Variants in NAXD observed in about 807,000 individuals in gnomAD.
NAXD encodes NAD(P)HX dehydratase.
NAXD carries 22 observed loss-of-function variants against 35.8 expected under a neutral mutation model. That is an observed-to-expected ratio of 0.62 (90% CI 0.44 to 0.88). NAXD has a LOEUF of 0.88. Among genes scored for constraint, NAXD ranks in the 40% least tolerant of loss-of-function variants. The pLI is 0.00. For synonymous variants in NAXD, 189 were observed against 177.6 expected, an observed-to-expected ratio of 1.06 and a Z score of -0.51; for missense variants, 428 against 437.7, an observed-to-expected ratio of 0.98 and a Z score of 0.20.
rs757949523 is a variant in NAXD at position 110,638,574 on chromosome 13, CGTGT to C, written c.*52_*55del. ...AACAGGCACCTTGGACGGGGGAGAG[CGTGT>C]GTGTGATGGGAAAATCCGGACCCAC... On this transcript the variant is annotated 3_prime_UTR_variant, in exon 10 of 10. Coordinates refer to ENST00000680254, the MANE Select transcript of NAXD (RefSeq NM_001242882.2). The surrounding 1 kb of genome is among the most constrained non-coding windows in gnomAD (Gnocchi z 5.4). 6.2e-7 allele frequency: 1 copy of C among 1,605,610 alleles called. No individual in the cohort carries two copies. Among genetic ancestry groups the C allele is most frequent in the Non-Finnish European group, 8.5e-7 (1 of 1,175,348 alleles).
chr13:110,636,359 A>ATG (rs1207900971), intron 8 of NAXD, among the ~76,000 whole-genome samples: 1 of 141,682 alleles, frequency 7.1e-6, no homozygotes, highest in Non-Finnish European at 1.5e-5. Context: ...ACATGCACAT[A>ATG]TGTGCACACG....
At chr13:110,621,254 G>C (rs187803208) in intron 1 of NAXD, among the ~76,000 whole-genome samples, 3 of 152,322 alleles carry the variant, frequency 2.0e-5, no homozygotes, top group African/African-American at 7.2e-5. Flanking sequence ...TTTGTGAGGA[G>C]AGAAAAGACC....
chr13:110,636,779 G>A (rs1243122287), intron 8 of NAXD, among the ~76,000 whole-genome samples: 8 of 152,248 alleles, frequency 5.3e-5, no homozygotes, highest in African/African-American at 1.9e-4. Context: ...GTCCCTGGGA[G>A]CTGGTGGGAG....
chr13:110,632,419 C>G (rs1886737580), intron 5 of NAXD, among the ~76,000 whole-genome samples: 1 of 152,218 alleles, frequency 6.6e-6, no homozygotes, highest in Non-Finnish European at 1.5e-5. Flanking sequence ...GAGCGGGTTA[C>G]CAATGCTGGC....
rs1162320304 is a variant in NAXD at position 110,638,204 on chromosome 13, T to C, written c.840-174T>C. ...CTGCCAGGGAGTAGTGGAGGGTTAA[T>C]GGTGGTTTTCGCTGTGATAAACCTG... On this transcript the variant is annotated intron_variant, in intron 9 of 9. Coordinates refer to ENST00000680254, the MANE Select transcript of NAXD (RefSeq NM_001242882.2). The surrounding 1 kb of genome is among the most constrained non-coding windows in gnomAD (Gnocchi z 5.4). 2.6e-6 allele frequency: 4 copies of C among 1,527,190 alleles called. No homozygotes were observed. Among genetic ancestry groups the C allele is most frequent in the African/African-American group, 2.8e-5 (2 of 71,964 alleles). The allele number at this position is 1,527,190 out of a possible 1,614,324, so 94.6% of individuals were successfully genotyped here. A position where few individuals can be genotyped will look rare whatever the true frequency, so the allele number is the denominator to read the frequency against.
chr13:110,634,382 G>T (rs1332270722), intron 5 of NAXD, among the ~76,000 whole-genome samples, 163 bp from the exon 6 acceptor site: 1 of 152,130 alleles, frequency 6.6e-6, no homozygotes, highest in African/African-American at 2.4e-5. Context: ...TCTTTTAAAG[G>T]TCATTAAACC....
intron 4 of NAXD, among the ~76,000 whole-genome samples, chr13:110,626,823 GA>G (rs1416948740): frequency 6.6e-6 from 1 of 152,186 alleles, no homozygotes; most frequent in African/African-American, 2.4e-5. Context: ...AGGTCACACC[GA>G]ACAGGAAGGA....
chr13:110,635,574 C>T lies in NAXD; in HGVS notation c.704C>T (p.Ser235Phe), dbSNP rs761675334. ...VVQKGERDILSNGQQVLVCSQ... is the reference protein window; with the variant it reads ...VVQKGERDILFNGQQVLVCSQ... ...CAGAAAGGAGAGCGCGACATCCTCT[C>T]CAACGGCCAGCAGGGTGAGTGGCGG... The change falls in exon 8 of 10, where the codon TCC becomes TTC. Residue 235 changes from serine (S) to phenylalanine (F), a missense_variant. By Grantham distance (155) the Ser-to-Phe change is radical. Coordinates refer to ENST00000680254, the MANE Select transcript of NAXD (RefSeq NM_001242882.2). 3.7e-6 allele frequency: 6 copies of T among 1,614,120 alleles called. No individual in the cohort carries two copies. In the South Asian group the frequency reaches 5.5e-5, roughly 15 times the overall value.
Position 110,638,722 on chromosome 13 carries a change from G to A in NAXD, c.*194G>A, listed in dbSNP as rs1047124839. 6 of 726,122 alleles carry A rather than the reference G, an allele frequency of 8.3e-6. No individual in the cohort carries two copies. Among genetic ancestry groups the A allele is most frequent in the Admixed American group, 2.0e-5 (1 of 49,974 alleles). The allele number at this position is 726,122 out of a possible 1,614,324, so 45.0% of individuals were successfully genotyped here. ...TTTGGTTAAACTTAATGCATGGTTG[G>A]AGATGTTATGGCGACACTAAACAAA... is the stretch of plus-strand genomic sequence containing the variant. On this transcript the variant is annotated 3_prime_UTR_variant, in exon 10 of 10. Coordinates refer to ENST00000680254, the MANE Select transcript of NAXD (RefSeq NM_001242882.2). The surrounding 1 kb of genome is among the most constrained non-coding windows in gnomAD (Gnocchi z 5.4).
In NAXD at chr13:110,631,833, C is replaced by T. The variant is rs185298427; in HGVS notation, c.442-2712C>T. ...GGCTTCAGGACACACTGCTAATGCT[C>T]GGACCAGTGTCAGAGCCAAATACAC... On this transcript the variant is annotated intron_variant, in intron 5 of 9. Transcript: ENST00000680254. 7.5e-4 allele frequency among the ~76,000 whole-genome samples: 114 copies of T among 152,302 alleles called. 1 individual carries two copies. Among genetic ancestry groups the T allele is most frequent in the African/African-American group, 2.5e-3 (106 of 41,574 alleles).
At chr13:110,627,198 T>C (rs922808503) in intron 4 of NAXD, among the ~76,000 whole-genome samples, 12 of 152,178 alleles carry the variant, frequency 7.9e-5, no homozygotes, top group Non-Finnish European at 4.4e-5. Context: ...TATTAACCAA[T>C]GTGAACTTGG....
In NAXD at chr13:110,631,286, T is replaced by C. The variant is rs1396629333; in HGVS notation, c.442-3259T>C. On this transcript the variant is annotated intron_variant, in intron 5 of 9. Coordinates refer to ENST00000680254, the MANE Select transcript of NAXD (RefSeq NM_001242882.2). ...ACAGCCACATCAGAATTTATGGATC[T>C]ACTACAGTGTATTTAGTTCATTTAC... Among the ~76,000 whole-genome samples the C allele has an allele frequency of 2.0e-5, 3 of 152,244 alleles. No individual in the cohort carries two copies. The East Asian group carries it at 5.8e-4, about 29-fold the overall frequency.
intron 1 of NAXD, 119 bp downstream of exon 1, chr13:110,615,766 T>C: frequency 7.1e-7 from 1 of 1,412,004 alleles, no homozygotes; most frequent in Non-Finnish European, 9.2e-7. Context: ...GGGCCGCCAC[T>C]GGACGCAGGT....
At chr13:110,626,203 G>T (rs1342753356) in intron 4 of NAXD, among the ~76,000 whole-genome samples, 1 of 152,154 alleles carries the variant, frequency 6.6e-6, no homozygotes, top group Admixed American at 6.5e-5. Flanking sequence ...TGGGCCGGAG[G>T]CTGTGGTAAG....
chr13:110,620,761 G>C (rs1345499739), intron 1 of NAXD, among the ~76,000 whole-genome samples: 1 of 152,204 alleles, frequency 6.6e-6, no homozygotes, highest in Non-Finnish European at 1.5e-5. Context: ...CTCTTTTGCT[G>C]TGAAACGCTC....
chr13:110,623,231 A>G (rs933237319), intron 2 of NAXD, among the ~76,000 whole-genome samples: 5 of 152,170 alleles, frequency 3.3e-5, no homozygotes, highest in African/African-American at 9.7e-5. Context: ...TTACAACGCT[A>G]TTGACACCGC....
At chr13:110,634,508 C>G in intron 5 of NAXD, 37 bp from the exon 6 acceptor site, 1 of 1,607,108 alleles carries the variant, frequency 6.2e-7, no homozygotes, top group East Asian at 2.2e-5. Context: ...ACCATAGCAG[C>G]AGGCATGGTG....
chr13:110,637,087 C>T, intron 8 of NAXD, 42 bp from the exon 9 acceptor site: 3 of 1,576,512 alleles, frequency 1.9e-6, no homozygotes, highest in Non-Finnish European at 2.6e-6. Context: ...CATTCACACA[C>T]ATGGCCATGC....
chr13:110,634,247 T>C (rs1886832088), intron 5 of NAXD, among the ~76,000 whole-genome samples: 1 of 152,204 alleles, frequency 6.6e-6, no homozygotes, highest in South Asian at 2.1e-4. Flanking sequence ...GCTGTAGCCG[T>C]ACCACAGACT....
Sources: allele counts gnomAD v4.1 joint callset (sites outside exome capture counted in the v4.1 genomes callset), GRCh38; gene constraint gnomAD v4.1.1; non-coding constraint Gnocchi (gnomAD v3.1); transcripts MANE v1.5; gene names NCBI Gene and HGNC (gene_info 2026-07-23, HGNC 2026-07-21).